The following AUTS2 variants were observed in gnomAD, a reference collection of about 807,000 sequenced individuals.
The protein encoded by AUTS2 is autism susceptibility gene 2 protein.
In AUTS2, 17 loss-of-function variants were observed where a neutral mutation model predicts 112.4. That is an observed-to-expected ratio of 0.15 (90% CI 0.10 to 0.23). AUTS2 has a LOEUF of 0.23. Ranked by LOEUF, AUTS2 falls within the 10% of genes least tolerant of loss-of-function variation. The probability of loss-of-function intolerance (pLI) is 1.00; values close to 1 mark genes in which losing one functional copy is unlikely to be tolerated. For missense variants in AUTS2, 1,510 were observed against 1,701.6 expected (o/e 0.89, Z 1.98); for synonymous variants, 751 against 702.7 (o/e 1.07, Z -1.09).
intron 1 of AUTS2, among the ~76,000 whole-genome samples, chr7:69,754,065 T>C (rs1787849455): frequency 6.6e-6 from 1 of 152,230 alleles, no homozygotes; most frequent in Admixed American, 6.5e-5. Context: ...TGCTTCTTGC[T>C]GCCTACTGTG....
chr7:70,372,469 T>C (rs993079546), intron 4 of AUTS2, among the ~76,000 whole-genome samples: 4 of 152,138 alleles, frequency 2.6e-5, no homozygotes, highest in Non-Finnish European at 5.9e-5. Context: ...TCGTTTAATC[T>C]AGAGTAAATG....
intron 2 of AUTS2, among the ~76,000 whole-genome samples, chr7:70,063,536 A>G (rs917908887): frequency 6.6e-6 from 1 of 152,224 alleles, no homozygotes; most frequent in East Asian, 1.9e-4. Flanking sequence ...ACCAGAGATC[A>G]TAGCACCTCA....
intron 2 of AUTS2, among the ~76,000 whole-genome samples, chr7:70,047,377 T>A (rs1251219608): frequency 6.6e-6 from 1 of 152,186 alleles, no homozygotes; most frequent in Non-Finnish European, 1.5e-5. Context: ...GGATATATAT[T>A]GTAGTACAGC....
chr7:70,576,223 C>A (rs1192630489), intron 5 of AUTS2, among the ~76,000 whole-genome samples: 4 of 152,112 alleles, frequency 2.6e-5, no homozygotes, highest in African/African-American at 9.7e-5. Flanking sequence ...CCCTCTTGCC[C>A]CAAGTTCAAG....
intron 2 of AUTS2, among the ~76,000 whole-genome samples, chr7:69,948,561 A>G (rs949644119): frequency 6.6e-5 from 10 of 152,162 alleles, no homozygotes; most frequent in African/African-American, 2.4e-4. Context: ...TTTGACAAAC[A>G]GAAAGGGGAC....
At chr7:70,422,742 C>T (rs765852778) in intron 4 of AUTS2, among the ~76,000 whole-genome samples, 9 of 152,074 alleles carry the variant, frequency 5.9e-5, no homozygotes, top group Non-Finnish European at 1.2e-4. Flanking sequence ...CGCCACTGTG[C>T]TCCAGCCTGG....
rs984224616 is a variant in AUTS2 at position 70,114,712 on chromosome 7, A to G, written c.523-3420A>G. On this transcript the variant is annotated intron_variant, in intron 2 of 18. Coordinates refer to ENST00000342771, the MANE Select transcript of AUTS2 (RefSeq NM_015570.4). ...GCTACTCAGGAGGCTGAGGCAGGAG[A>G]ATCGCTTGAACCGGGGAGGCGGAGG... 7.2e-5 allele frequency among the ~76,000 whole-genome samples: 11 copies of G among 152,258 alleles called. No homozygotes were observed. The East Asian group carries it at 2.1e-3, about 29-fold the overall frequency.
intron 1 of AUTS2, among the ~76,000 whole-genome samples, chr7:69,611,445 C>G (rs1488388753): frequency 6.6e-6 from 1 of 152,140 alleles, no homozygotes; most frequent in African/African-American, 2.4e-5. Flanking sequence ...TTTTATTACT[C>G]TAATATAGAA....
chr7:69,635,985 C>T lies in AUTS2; in HGVS notation c.309+36023C>T, dbSNP rs530490488. On this transcript the variant is annotated intron_variant, in intron 1 of 18. Coordinates refer to ENST00000342771, the MANE Select transcript of AUTS2 (RefSeq NM_015570.4). ...GCCTTTTAAAGAGCCTTTGTTTTGA[C>T]GCTAATTGAACTGGTTGTAGCAGAG... is the stretch of plus-strand genomic sequence containing the variant. Among the ~76,000 whole-genome samples the T allele has an allele frequency of 1.8e-4, 27 of 152,286 alleles. 1 individual carries two copies. In the South Asian group the frequency reaches 4.4e-3, roughly 25 times the overall value.
intron 5 of AUTS2, among the ~76,000 whole-genome samples, chr7:70,533,978 G>A (rs1800203546): frequency 6.6e-6 from 1 of 152,218 alleles, no homozygotes; most frequent in African/African-American, 2.4e-5. Flanking sequence ...TCAGTCTGGA[G>A]AGTAGTGAAT....
intron 4 of AUTS2, among the ~76,000 whole-genome samples, chr7:70,269,694 T>C (rs1319454388): frequency 6.6e-6 from 1 of 152,252 alleles, no homozygotes; most frequent in Admixed American, 6.5e-5. Context: ...TAAGCATTAA[T>C]AAATATCAGT....
intron 4 of AUTS2, among the ~76,000 whole-genome samples, chr7:70,406,777 C>T (rs930833417): frequency 3.9e-5 from 6 of 152,168 alleles, no homozygotes; most frequent in Non-Finnish European, 5.9e-5. Flanking sequence ...AATTCTGATG[C>T]GTTCCAGGGA....
chr7:70,397,272 C>G (rs1794129066), intron 4 of AUTS2, among the ~76,000 whole-genome samples: 1 of 151,998 alleles, frequency 6.6e-6, no homozygotes, highest in Non-Finnish European at 1.5e-5. Context: ...ACCATGTTAG[C>G]CAGACTGGTC....
intron 1 of AUTS2, among the ~76,000 whole-genome samples, chr7:69,723,206 G>A (rs979321581): frequency 6.6e-6 from 1 of 152,050 alleles, no homozygotes; most frequent in South Asian, 2.1e-4. Flanking sequence ...ATTTGGAGTA[G>A]CAGAATCGTG....
At chr7:69,790,066 A>T (rs1342900309) in intron 1 of AUTS2, among the ~76,000 whole-genome samples, 1 of 151,994 alleles carries the variant, frequency 6.6e-6, no homozygotes, top group Non-Finnish European at 1.5e-5. Flanking sequence ...AGATTGCTTG[A>T]GCTCAGGAGT....
At chr7:69,786,462 A>G (rs1395102174) in intron 1 of AUTS2, among the ~76,000 whole-genome samples, 1 of 152,156 alleles carries the variant, frequency 6.6e-6, no homozygotes, top group African/African-American at 2.4e-5. Context: ...ATTGGTGGGG[A>G]AAAATAAGGG....
intron 5 of AUTS2, among the ~76,000 whole-genome samples, chr7:70,578,967 AG>A (rs1802302526): frequency 1.5e-5 from 2 of 137,406 alleles, no homozygotes. Context: ...TCCTTTGCCC[AG>A]GTTGGAGTGG....
intron 4 of AUTS2, among the ~76,000 whole-genome samples, chr7:70,255,074 CTT>C (rs3078929): frequency 3.8e-4 from 49 of 129,546 alleles, no homozygotes; most frequent in Admixed American, 8.1e-4. Flanking sequence ...TCAAAATTAC[CTT>C]TTTTTTTTTT....
intron 5 of AUTS2, among the ~76,000 whole-genome samples, chr7:70,444,315 A>G (rs530855433): frequency 4.0e-5 from 6 of 150,326 alleles, no homozygotes; most frequent in South Asian, 4.2e-4. Context: ...TTCTGTCTTC[A>G]ATGAAGATAG....
Sources: gnomAD v4.1 joint callset for allele counts (sites outside exome capture counted in the v4.1 genomes callset) on GRCh38, gnomAD v4.1.1 for gene constraint, MANE v1.5 for transcripts, NCBI Gene and HGNC (gene_info 2026-07-23, HGNC 2026-07-21) for gene names.